The following MXRA5 variants were observed in gnomAD, a reference collection of about 807,000 sequenced individuals.
MXRA5 encodes the protein matrix remodeling associated 5, also known as matrix-remodeling-associated protein 5.
In MXRA5, 41 loss-of-function variants were observed where a neutral mutation model predicts 112.5. That is an observed-to-expected ratio of 0.36 (90% CI 0.28 to 0.47). The LOEUF is 0.47. Among genes scored for constraint, MXRA5 ranks in the 20% least tolerant of loss-of-function variants. The pLI is 0.99. For synonymous variants in MXRA5, 862 were observed against 900.8 expected, an observed-to-expected ratio of 0.96 and a Z score of 0.77; for missense variants, 2,150 against 2,251.0, an observed-to-expected ratio of 0.96 and a Z score of 0.91.
Position 3,317,510 on chromosome X carries a change from G to T in MXRA5, c.6171C>A (p.Ile2057=). Residue 2057 remains isoleucine (I), a synonymous_variant, in exon 6 of 7, where the codon ATC becomes ATA. Coordinates refer to ENST00000217939, the MANE Select transcript of MXRA5 (RefSeq NM_015419.4). ...GAATGCTGAGCCCCGGGGGCAGCGA[G>T]ATGTTCTCCAGCTTCTCCTGGTGGA... ...PVIHQEKLEN[I]SLPPGLSIHI... The T allele has an allele frequency of 8.3e-7, 1 of 1,202,565 alleles. No individual in the cohort carries two copies. The highest frequency in any genetic ancestry group is 1.1e-6 in the Non-Finnish European group (1 of 891,241).
At chrX:3,325,967 A>ATTATAAATTTATAATATATAATTTATAT (rs1921469450) in intron 4 of MXRA5, among the ~76,000 whole-genome samples, 2 of 84,149 alleles carry the variant, frequency 2.4e-5, no homozygotes, top group Non-Finnish European at 4.3e-5. Flanking sequence ...ATAATTTATA[A>ATTATAAATTTATAATATATAATTTATAT]TTATAAATTT....
At position 3,346,605 on chromosome X, in the gene MXRA5, G is replaced by A. The variant is rs1468198441; in HGVS notation, c.-119C>T. 27 of 742,274 alleles carry A rather than the reference G, an allele frequency of 3.6e-5. No homozygotes were observed. Among genetic ancestry groups the A allele is most frequent in the Non-Finnish European group, 4.1e-5 (26 of 629,001 alleles). 61.2% of individuals were successfully genotyped at this position (742,274 alleles called of 1,213,427 possible). ...CGAGTCACGGCCGGGAGTTTGCCGG[G>A]GCCATGCCCTTCCCGGGGCCGGGGG... is the stretch of plus-strand genomic sequence containing the variant. On this transcript the variant is annotated 5_prime_UTR_variant, in exon 1 of 7. Coordinates refer to ENST00000217939, the MANE Select transcript of MXRA5 (RefSeq NM_015419.4).
chrX:3,331,645 A>T lies in MXRA5; in HGVS notation c.189-872T>A, dbSNP rs919346966. 1.1e-4 allele frequency among the ~76,000 whole-genome samples: 12 copies of T among 112,049 alleles called. 1 individual carries two copies. Among genetic ancestry groups the T allele is most frequent in the Admixed American group, 8.5e-4 (9 of 10,630 alleles). On this transcript the variant is annotated intron_variant, in intron 2 of 6. Coordinates refer to ENST00000217939, the MANE Select transcript of MXRA5 (RefSeq NM_015419.4). The stretch of plus-strand genomic sequence containing the variant: ...CCATGTCTGACGGATGATCAAAGTT[A>T]CTCGTAGACATGCTAGGTTTCTTGT...
intron 2 of MXRA5, among the ~76,000 whole-genome samples, chrX:3,338,713 G>T (rs763730086): frequency 4.5e-5 from 5 of 111,070 alleles, no homozygotes; most frequent in African/African-American, 1.6e-4. Flanking sequence ...TAGGCAGACA[G>T]ATGATACATA....
At chrX:3,313,940 G>A (rs1921028039) in intron 6 of MXRA5, among the ~76,000 whole-genome samples, 1 of 111,877 alleles carries the variant, frequency 8.9e-6, no homozygotes, top group African/African-American at 3.3e-5. Flanking sequence ...TAAAATACAG[G>A]CAGGGAAAAG....
chrX:3,314,881 CAGATAGATAGAT>C (rs77892728), intron 6 of MXRA5, among the ~76,000 whole-genome samples: 91 of 102,639 alleles, frequency 8.9e-4, no homozygotes, highest in East Asian at 7.4e-3. Context: ...GGTAGGTAGG[CAGATAGATAGAT>C]AGATAGATAG....
At chrX:3,343,561 A>T in intron 2 of MXRA5, 85 bp downstream of exon 2, 1 of 886,156 alleles carries the variant, frequency 1.1e-6, no homozygotes, top group Non-Finnish European at 1.6e-6. Context: ...ATATGAAGTT[A>T]AGTAAATGCA....
Position 3,317,149 on chromosome X carries a change from T to C in MXRA5, c.6532A>G (p.Ile2178Val). Residue 2178 changes from isoleucine to valine, a missense_variant, in exon 6 of 7, where the codon ATC becomes GTC. By Grantham distance (29) the Ile-to-Val change is conservative (BLOSUM62 3). This residue lies in a region of MXRA5 where 1,485 missense variants were observed against 1,471.6 expected (regional missense o/e 1.01). Coordinates refer to ENST00000217939, the MANE Select transcript of MXRA5 (RefSeq NM_015419.4). The part of the protein sequence containing the change: ...CSASGDPWPR[I>V]LWRLPSKRMI... ...CTCTTGGACGGCAGCCTCCAGAGGA[T>C]GCGCGGCCAGGGGTCCCCCGAGGCG... is the stretch of plus-strand genomic sequence containing the variant. 8.3e-7 allele frequency: 1 copy of C among 1,198,100 alleles called. No individual in the cohort carries two copies. Among genetic ancestry groups the C allele is most frequent in the Non-Finnish European group, 1.1e-6 (1 of 888,704 alleles).
At chrX:3,315,442 G>C (rs1439539558) in intron 6 of MXRA5, among the ~76,000 whole-genome samples, 9 of 102,259 alleles carry the variant, frequency 8.8e-5, no homozygotes, top group Non-Finnish European at 1.8e-4. Context: ...CTAAGACAGA[G>C]TTACCTGACC....
At chrX:3,311,947 T>C (rs1920995455) in intron 6 of MXRA5, among the ~76,000 whole-genome samples, 1 of 112,600 alleles carries the variant, frequency 8.9e-6, no homozygotes, top group South Asian at 3.7e-4. Flanking sequence ...CAGAGGTCAT[T>C]GTAACAACAA....
Position 3,317,804 on chromosome X carries a change from G to T in MXRA5, c.5877C>A (p.Asp1959Glu), listed in dbSNP as rs766558008. ...TGGTGTCTCCCAGGTAGACAGTGACGTCCTGGTAGTGGGAGGCTAGGATTT... is the reference window on the plus strand; with the variant it reads ...TGGTGTCTCCCAGGTAGACAGTGACTTCCTGGTAGTGGGAGGCTAGGATTT... ...QPQILASHYQ[D>E]VTVYLGDTIA... The change falls in exon 6 of 7, where the codon GAC (aspartate) becomes GAA (glutamate). Residue 1959 changes from aspartate to glutamate, a missense_variant. Asp to Glu is a conservative substitution (Grantham distance 45). Transcript: ENST00000217939. 8.3e-7 allele frequency: 1 copy of T among 1,211,027 alleles called. No individual in the cohort carries two copies.
chrX:3,343,516 A>G (rs1922035009), intron 2 of MXRA5, 130 bp downstream of exon 2: 4 of 661,172 alleles, frequency 6.0e-6, no homozygotes, highest in Non-Finnish European at 8.9e-6. Flanking sequence ...CTGCAGCTCC[A>G]TAATTCTCGA....
chrX:3,343,620 A>T (rs934401326), intron 2 of MXRA5, 26 bp downstream of exon 2: 4 of 1,186,183 alleles, frequency 3.4e-6, no homozygotes, highest in African/African-American at 1.8e-5. Flanking sequence ...GACAGTGGGA[A>T]GGTTCGGGAA....
chrX:3,335,707 T>C (rs1019812349), intron 2 of MXRA5, among the ~76,000 whole-genome samples: 4 of 112,218 alleles, frequency 3.6e-5, no homozygotes, highest in Non-Finnish European at 7.5e-5. Flanking sequence ...AGTCTAAATG[T>C]ACATTTCAGA....
At position 3,322,272 on chromosome X, in the gene MXRA5, G is replaced by A. The variant is rs140078324; in HGVS notation, c.3413C>T (p.Pro1138Leu). 141 of 1,203,576 alleles carry A rather than the reference G, an allele frequency of 1.2e-4. No individual in the cohort carries two copies. In the East Asian group the frequency reaches 1.4e-3, roughly 12 times the overall value. ...ATTTPRQKVA[P>L]SSTMSTHPSR... Reference sequence around the variant, plus strand: ...AGGGTGAGTGCTCATGGTGGATGACGGAGCAACTTTTTGCCTTGGTGTTGT... The same window carrying A: ...AGGGTGAGTGCTCATGGTGGATGACAGAGCAACTTTTTGCCTTGGTGTTGT... Residue 1138 changes from proline (P) to leucine (L), a missense_variant, in exon 5 of 7, where the codon CCG becomes CTG. Around this residue, in one of 6 missense-constraint regions of MXRA5, gnomAD observed 1,485 missense variants for 1,471.6 expected, o/e 1.01. Transcript: ENST00000217939.
In MXRA5 at chrX:3,310,934, G is replaced by A. The variant is rs780986079; in HGVS notation, c.7269C>T (p.Ser2423=). ...SGNYTCLVRN[S]AGEDRKTVWI... ...ACACCGTCTTCCTATCCTCTCCCGC[G>A]CTGTTCCTGACCAAGCAGGTGTAGT... Residue 2423 remains serine (S), a synonymous_variant, in exon 7 of 7, where the codon AGC becomes AGT. Transcript: ENST00000217939. 41 of 1,209,639 alleles carry A rather than the reference G, an allele frequency of 3.4e-5. No homozygotes were observed. Among genetic ancestry groups the A allele is most frequent in the Admixed American group, 4.4e-5 (2 of 45,756 alleles).
chrX:3,342,806 A>T (rs758043669), intron 2 of MXRA5, among the ~76,000 whole-genome samples: 1 of 112,223 alleles, frequency 8.9e-6, no homozygotes, highest in African/African-American at 3.2e-5. Context: ...CTGTCAATGG[A>T]GGAGAGTTTT....
chrX:3,335,546 A>G (rs781577358), intron 2 of MXRA5, among the ~76,000 whole-genome samples: 2 of 112,388 alleles, frequency 1.8e-5, no homozygotes, highest in South Asian at 3.7e-4. Flanking sequence ...TTTAAACACA[A>G]GCACAGATGA....
chrX:3,311,690 G>A (rs192204668), intron 6 of MXRA5, 66 bp from the exon 7 acceptor site: 20 of 943,669 alleles, frequency 2.1e-5, no homozygotes, highest in South Asian at 1.3e-4. Context: ...GCATTAGGTC[G>A]CTGGAATAAC....
Sources: allele counts gnomAD v4.1 joint callset (sites outside exome capture counted in the v4.1 genomes callset), GRCh38; gene constraint gnomAD v4.1.1; regional missense constraint gnomAD v4.1.1; transcripts MANE v1.5; gene names NCBI Gene and HGNC (gene_info 2026-07-23, HGNC 2026-07-21).